Variants in TEKT3 observed in about 807,000 individuals in gnomAD.
TEKT3 encodes the protein tektin 3, also known as tektin-3.
TEKT3 carries 49 observed loss-of-function variants against 49.8 expected under a neutral mutation model. The observed-to-expected ratio is 0.98, with a 90% CI of 0.78 to 1.25. The LOEUF (loss-of-function observed/expected upper bound fraction) is 1.25, where lower values mean the gene tolerates loss of function less well. TEKT3 is among the 50% of genes most tolerant of loss of function. The pLI is 0.00. For synonymous variants in TEKT3, 225 were observed against 237.2 expected (o/e 0.95, Z 0.47); for missense variants, 595 against 629.5 (o/e 0.95, Z 0.59).
At chr17:15,343,622 G>C (rs1912297414), upstream of TEKT3, among the ~76,000 whole-genome samples, 1 of 152,232 alleles carries the variant, frequency 6.6e-6, no homozygotes, top group Non-Finnish European at 1.5e-5. Flanking sequence ...GTCAATGTTT[G>C]TTAAATGAAA....
rs1415384355 is a variant in TEKT3, at chr17:15,304,515, A to T, written c.1257-363T>A. On this transcript the variant is annotated intron_variant, in intron 8 of 8. Coordinates refer to ENST00000395930, the MANE Select transcript of TEKT3 (RefSeq NM_031898.3). This position sits in a 1 kb window ranked among gnomAD's most constrained non-coding sequence, Gnocchi z 4.7. ...ACTTCCTTGTTTTACAGACTAGGAA[A>T]TAGAGCCCAGGGGTTCATAAGCTGT... 1.3e-5 allele frequency among the ~76,000 whole-genome samples: 2 copies of T among 152,208 alleles called. No homozygotes were observed. The highest frequency in any genetic ancestry group is 2.9e-5 in the Non-Finnish European group (2 of 68,044).
intron 5 of TEKT3, among the ~76,000 whole-genome samples, chr17:15,316,606 G>C (rs1911023837): frequency 1.3e-5 from 2 of 152,178 alleles, no homozygotes; most frequent in African/African-American, 4.8e-5. Context: ...TGTACCCCAT[G>C]AATATATACA....
intron 2 of TEKT3, among the ~76,000 whole-genome samples, chr17:15,333,269 C>T (rs1597419791): frequency 1.3e-5 from 2 of 152,132 alleles, no homozygotes; most frequent in African/African-American, 2.4e-5. Flanking sequence ...CTATGCACTG[C>T]TCAGAAAAAT....
At chr17:15,342,111 C>T (rs117053334), upstream of TEKT3, among the ~76,000 whole-genome samples, 73 of 152,342 alleles carry the variant, frequency 4.8e-4, no homozygotes, top group East Asian at 0.014. Flanking sequence ...TTCCCTCTCT[C>T]TCTTCAGCAA....
At chr17:15,337,780 G>T (rs1160139399) in intron 2 of TEKT3, among the ~76,000 whole-genome samples, 2 of 152,190 alleles carry the variant, frequency 1.3e-5, no homozygotes, top group Non-Finnish European at 2.9e-5. Context: ...GGCGGAGGTT[G>T]CAGTGAGCCG....
chr17:15,314,025 T>C lies in TEKT3; in HGVS notation c.878+62A>G, dbSNP rs1910883243. ...CCATTTTAACCTGTAAGCTGTGTCCTTTCGAAAGGAGAAAGAGTTAAATGA... is the reference window on the plus strand; with the variant it reads ...CCATTTTAACCTGTAAGCTGTGTCCCTTCGAAAGGAGAAAGAGTTAAATGA... On this transcript the variant is annotated intron_variant, in intron 6 of 8. Coordinates refer to ENST00000395930, the MANE Select transcript of TEKT3 (RefSeq NM_031898.3). 3.1e-6 allele frequency: 5 copies of C among 1,609,046 alleles called. No homozygotes were observed. The Admixed American group carries it at 5.0e-5, about 16-fold the overall frequency.
At chr17:15,341,806 T>A (rs1440068994), upstream of TEKT3, among the ~76,000 whole-genome samples, 1 of 152,196 alleles carries the variant, frequency 6.6e-6, no homozygotes, top group African/African-American at 2.4e-5. Context: ...CTCCCCGCCC[T>A]CCGGGAGACC....
chr17:15,314,426 A>C, intron 5 of TEKT3, 196 bp from the exon 6 acceptor site: 6 of 524,752 alleles, frequency 1.1e-5, no homozygotes, highest in East Asian at 7.2e-5. Flanking sequence ...TGGGACCCTA[A>C]CTCCCACCTT....
At chr17:15,306,980 G>T (rs1233424903) in intron 8 of TEKT3, 2 of 152,170 alleles carry the variant, frequency 1.3e-5, no homozygotes, top group Non-Finnish European at 2.9e-5. Context: ...AACCCACTTT[G>T]AAAAACATGC....
In TEKT3 at chr17:15,317,844, C is replaced by T. The variant is rs149445899; in HGVS notation, c.734+1233G>A. 3.3e-5 allele frequency among the ~76,000 whole-genome samples: 5 copies of T among 152,104 alleles called. No homozygotes were observed. In the East Asian group the frequency reaches 9.7e-4, roughly 29 times the overall value. On this transcript the variant is annotated intron_variant, in intron 5 of 8. Transcript: ENST00000395930. ...CCCAACCATAAATATTAAGTACCTACTATCACCAAGAAAAGAGAGCCCATC... is the reference window on the plus strand; with the variant it reads ...CCCAACCATAAATATTAAGTACCTATTATCACCAAGAAAAGAGAGCCCATC...
intron 8 of TEKT3, among the ~76,000 whole-genome samples, chr17:15,306,081 T>TATATA (rs1910533775): frequency 3.8e-5 from 5 of 132,812 alleles, no homozygotes; most frequent in Non-Finnish European, 4.7e-5. Flanking sequence ...CACAGTTTAT[T>TATATA]TATATATATG....
At chr17:15,318,391 T>A (rs1911112000) in intron 5 of TEKT3, among the ~76,000 whole-genome samples, 1 of 152,028 alleles carries the variant, frequency 6.6e-6, no homozygotes, top group East Asian at 1.9e-4. Context: ...TATAAGTCAA[T>A]CTCTTATGTA....
rs1020285074 is a variant in TEKT3, at chr17:15,333,433, G to A, written c.-29-1819C>T. Among the ~76,000 whole-genome samples, 2 of 152,138 alleles carry A rather than the reference G, an allele frequency of 1.3e-5. 1 individual carries two copies. Among genetic ancestry groups the A allele is most frequent in the South Asian group, 4.1e-4 (2 of 4,820 alleles). Reference sequence around the variant, plus strand: ...GTGGCCCTGTGCTTATAGAACCCTAGTTCTCTTTCTGCTAAATTCTTCCTT... The same window carrying A: ...GTGGCCCTGTGCTTATAGAACCCTAATTCTCTTTCTGCTAAATTCTTCCTT... On this transcript the variant is annotated intron_variant, in intron 2 of 8. Transcript: ENST00000395930.
At chr17:15,329,916 C>A (rs935310823) in intron 3 of TEKT3, among the ~76,000 whole-genome samples, 8 of 152,140 alleles carry the variant, frequency 5.3e-5, no homozygotes, top group Admixed American at 3.9e-4. Flanking sequence ...GTATAATTTG[C>A]ACATCTTCAA....
At chr17:15,337,286 T>C (rs760803825) in intron 2 of TEKT3, among the ~76,000 whole-genome samples, 4 of 151,840 alleles carry the variant, frequency 2.6e-5, no homozygotes, top group Non-Finnish European at 5.9e-5. Flanking sequence ...TGGAGCAATA[T>C]CTAAGACTAA....
intron 6 of TEKT3, among the ~76,000 whole-genome samples, chr17:15,312,931 C>T (rs1988995527): frequency 6.6e-6 from 1 of 152,130 alleles, no homozygotes; most frequent in South Asian, 2.1e-4. Flanking sequence ...CTCTTGTATC[C>T]TACAGATGAG....
chr17:15,326,678 GA>G (rs925552443), intron 4 of TEKT3, among the ~76,000 whole-genome samples: 37 of 152,040 alleles, frequency 2.4e-4, no homozygotes, highest in African/African-American at 8.5e-4. Context: ...TGAACCAGAA[GA>G]AAAAAAGTTA....
chr17:15,322,505 G>A (rs1911310125), intron 4 of TEKT3, among the ~76,000 whole-genome samples: 1 of 152,186 alleles, frequency 6.6e-6, no homozygotes, highest in Non-Finnish European at 1.5e-5. Flanking sequence ...TGTCAGCTGA[G>A]GAATATGCAC....
In TEKT3 at chr17:15,304,209, G is replaced by A. The variant is rs1910442437; in HGVS notation, c.1257-57C>T. The A allele has an allele frequency of 5.1e-6, 8 of 1,559,428 alleles. No individual in the cohort carries two copies. The highest frequency in any genetic ancestry group is 7.1e-6 in the Non-Finnish European group (8 of 1,132,624). On this transcript the variant is annotated intron_variant, in intron 8 of 8. Transcript: ENST00000395930. This position sits in a 1 kb window ranked among gnomAD's most constrained non-coding sequence, Gnocchi z 4.7. ...CAGCATGTAGCTTACGCAACTCCAA[G>A]TACATCACATTGTAACCAGCGATGC...
Sources: gnomAD v4.1 joint callset for allele counts (sites outside exome capture counted in the v4.1 genomes callset) on GRCh38, gnomAD v4.1.1 for gene constraint, Gnocchi (gnomAD v3.1) non-coding constraint, MANE v1.5 for transcripts, NCBI Gene and HGNC (gene_info 2026-07-23, HGNC 2026-07-21) for gene names.